Variants in SAMTOR observed in about 807,000 individuals in gnomAD.
The protein encoded by SAMTOR is UPF0532 protein C7orf60.
At chr7:112,902,460 A>AAAAAAAAAAAAAC in the SAMTOR span, among the ~76,000 whole-genome samples, 1 of 141,852 alleles carries the variant, frequency 7.0e-6, no homozygotes, top group South Asian at 2.3e-4. Flanking sequence ...AAAAAAAAAA[A>AAAAAAAAAAAAAC]CCAAAAAAGT....
the SAMTOR span, among the ~76,000 whole-genome samples, chr7:112,890,121 G>T: frequency 1.3e-5 from 2 of 152,140 alleles, no homozygotes; most frequent in African/African-American, 4.8e-5. Context: ...ATGGCTGATG[G>T]GGAGGCTATG....
chr7:112,879,074 G>C, the SAMTOR span, among the ~76,000 whole-genome samples: 2 of 151,520 alleles, frequency 1.3e-5, 1 homozygote, highest in East Asian at 3.9e-4. Flanking sequence ...TTAGAAATAG[G>C]GAACTCTGGA....
the SAMTOR span, among the ~76,000 whole-genome samples, chr7:112,932,137 G>A: frequency 6.6e-6 from 1 of 152,020 alleles, no homozygotes; most frequent in Admixed American, 6.6e-5. Context: ...AAGTTAACCA[G>A]GATGGTCTCT....
At chr7:112,915,533 T>G in the SAMTOR span, 1 of 1,095,332 alleles carries the variant, frequency 9.1e-7, no homozygotes, top group South Asian at 2.9e-5. Context: ...TGAAATTATT[T>G]AAAGATAAAT....
the SAMTOR span, among the ~76,000 whole-genome samples, chr7:112,883,455 AC>A: frequency 3.3e-5 from 5 of 152,248 alleles, no homozygotes; most frequent in Non-Finnish European, 5.9e-5. Flanking sequence ...ATTCTAAAAA[AC>A]AATAGCAAAA....
the SAMTOR span, among the ~76,000 whole-genome samples, chr7:112,922,112 C>A: frequency 1.3e-5 from 2 of 152,268 alleles, no homozygotes; most frequent in African/African-American, 2.4e-5. Flanking sequence ...CGCGCCGCCA[C>A]GCCTGACTGG....
At chr7:112,887,482 C>T in the SAMTOR span, among the ~76,000 whole-genome samples, 1 of 152,286 alleles carries the variant, frequency 6.6e-6, no homozygotes, top group South Asian at 2.1e-4. Context: ...AGTGTTCCCT[C>T]TGATTCTGTT....
At chr7:112,865,652 TATATATATTTCATACATACATATATTC>T in the SAMTOR span, among the ~76,000 whole-genome samples, 196 of 135,636 alleles carry the variant, frequency 1.4e-3, 3 homozygotes, top group Middle Eastern at 3.9e-3. Flanking sequence ...CATATATTCA[TATATATATTTCATACATACATATATTC>T]ATATATATTT....
chr7:112,924,082 T>C, the SAMTOR span, among the ~76,000 whole-genome samples: 1 of 151,406 alleles, frequency 6.6e-6, no homozygotes, highest in Non-Finnish European at 1.5e-5. Context: ...TTAGGAGATA[T>C]ACCTAATGCT....
At chr7:112,890,229 C>T in the SAMTOR span, among the ~76,000 whole-genome samples, 4 of 152,122 alleles carry the variant, frequency 2.6e-5, no homozygotes, top group Non-Finnish European at 5.9e-5. Flanking sequence ...CCAATCAAGA[C>T]GCACTCTACT....
the SAMTOR span, chr7:112,821,936 T>C: frequency 6.2e-7 from 1 of 1,612,878 alleles, no homozygotes; most frequent in African/African-American, 1.3e-5. Flanking sequence ...TGTTGAAATC[T>C]TGAGGAATAT....
the SAMTOR span, among the ~76,000 whole-genome samples, chr7:112,893,049 C>T: frequency 1.3e-5 from 2 of 152,128 alleles, no homozygotes; most frequent in South Asian, 4.1e-4. Flanking sequence ...GTTCCATTTA[C>T]AGAGCACAGC....
the SAMTOR span, among the ~76,000 whole-genome samples, chr7:112,923,711 A>G: frequency 6.6e-6 from 1 of 151,932 alleles, no homozygotes; most frequent in African/African-American, 2.4e-5. Context: ...CCAAAGGACT[A>G]TAAATCATGC....
chr7:112,922,640 C>G, the SAMTOR span, among the ~76,000 whole-genome samples: 1 of 151,610 alleles, frequency 6.6e-6, no homozygotes, highest in East Asian at 1.9e-4. Context: ...CACCTCTGCC[C>G]GGCCATGACC....
the SAMTOR span, among the ~76,000 whole-genome samples, chr7:112,891,379 G>A: frequency 1.3e-5 from 2 of 152,116 alleles, no homozygotes; most frequent in Non-Finnish European, 1.5e-5. Flanking sequence ...TTTTCAACAT[G>A]ATTTAAAATC....
chr7:112,867,365 ATT>A, the SAMTOR span, among the ~76,000 whole-genome samples: 1 of 152,204 alleles, frequency 6.6e-6, no homozygotes, highest in Non-Finnish European at 1.5e-5. Context: ...CTGAAAATAT[ATT>A]GTTACTAATT....
the SAMTOR span, among the ~76,000 whole-genome samples, chr7:112,824,216 T>C: frequency 1.3e-5 from 2 of 152,186 alleles, no homozygotes; most frequent in Admixed American, 6.5e-5. Flanking sequence ...CTTTCTTAGA[T>C]GTTGCTTTCA....
chr7:112,917,347 T>C, the SAMTOR span, among the ~76,000 whole-genome samples: 1 of 152,090 alleles, frequency 6.6e-6, no homozygotes, highest in African/African-American at 2.4e-5. Flanking sequence ...GGGTCTGGAG[T>C]GGACCTCTGG....
At chr7:112,821,469 C>A in the SAMTOR span, 1 of 256,694 alleles carries the variant, frequency 3.9e-6, no homozygotes, top group Admixed American at 5.1e-5. Context: ...TTCACAATAG[C>A]ACTAAAGAGA....
Sources: gnomAD v4.1 joint callset for allele counts (sites outside exome capture counted in the v4.1 genomes callset) on GRCh38, gnomAD v4.1.1 for gene constraint, MANE v1.5 for transcripts, NCBI Gene and HGNC (gene_info 2026-07-23, HGNC 2026-07-21) for gene names.